Variants in RASSF5 observed in about 807,000 individuals in gnomAD.
The protein encoded by RASSF5 is ras association domain-containing protein 5.
Under a neutral mutation model 40.5 loss-of-function variants are expected in RASSF5, and 25 were observed. The ratio of observed to expected loss-of-function variants is 0.62; its 90% CI spans 0.45 to 0.86. The LOEUF is 0.86. Ranked by LOEUF, RASSF5 falls within the 40% of genes least tolerant of loss-of-function variation. The probability of loss-of-function intolerance (pLI) is 0.00; values close to 1 mark genes in which losing one functional copy is unlikely to be tolerated. For synonymous variants in RASSF5, 246 were observed against 252.4 expected, an observed-to-expected ratio of 0.97 and a Z score of 0.24; for missense variants, 521 against 572.8, an observed-to-expected ratio of 0.91 and a Z score of 0.92.
Position 206,585,034 on chromosome 1 carries a change from T to C in RASSF5, c.989-146T>C, listed in dbSNP as rs1553407309. 1.0e-5 allele frequency: 7 copies of C among 678,444 alleles called. No homozygotes were observed. The Admixed American group carries it at 1.2e-4, about 11-fold the overall frequency. The allele number at this position is 678,444 out of a possible 1,614,324, so 42.0% of individuals were successfully genotyped here. On this transcript the variant is annotated intron_variant, in intron 4 of 5. Coordinates refer to ENST00000579436, the MANE Select transcript of RASSF5 (RefSeq NM_182663.4). Reference sequence around the variant, plus strand: ...AGATAAAAGGTTATTGCCCTGTTCATTACTGTCATGTTCATTTCATTAAAA... The same window carrying C: ...AGATAAAAGGTTATTGCCCTGTTCACTACTGTCATGTTCATTTCATTAAAA...
At chr1:206,585,490 A>G (rs990399776) in intron 5 of RASSF5, 195 bp downstream of exon 5, 5 of 519,872 alleles carry the variant, frequency 9.6e-6, no homozygotes, top group Non-Finnish European at 1.7e-5. Context: ...ACCCTGGGGT[A>G]GCACATTAGG....
intron 2 of RASSF5, among the ~76,000 whole-genome samples, chr1:206,545,390 A>C (rs1451193190): frequency 1.4e-5 from 2 of 138,134 alleles, no homozygotes; most frequent in Admixed American, 1.6e-4. Flanking sequence ...CACTCTTTTC[A>C]CCCAGGCTGG....
At chr1:206,540,355 A>G (rs1553399214) in intron 2 of RASSF5, among the ~76,000 whole-genome samples, 1 of 152,264 alleles carries the variant, frequency 6.6e-6, no homozygotes, top group East Asian at 1.9e-4. Context: ...TTTTGGAAAC[A>G]GAGTGACCCC....
rs1553405745 is a variant in RASSF5, at chr1:206,579,109, G to A, written c.580-4160G>A. Among the ~76,000 whole-genome samples the A allele has an allele frequency of 6.6e-6, 1 of 152,140 alleles. No individual in the cohort carries two copies. Among genetic ancestry groups the A allele is most frequent in the Non-Finnish European group, 1.5e-5 (1 of 68,022 alleles). On this transcript the variant is annotated intron_variant, in intron 2 of 5. Transcript: ENST00000579436. The surrounding 1 kb of genome is among the most constrained non-coding windows in gnomAD (Gnocchi z 4.2). ...CCAATCACCTCCAGAGCTAAAAGAAGACATTGCCCTTTTCCACCGCATAGG... is the reference window on the plus strand; with the variant it reads ...CCAATCACCTCCAGAGCTAAAAGAAAACATTGCCCTTTTCCACCGCATAGG...
chr1:206,584,863 C>T lies in RASSF5; in HGVS notation c.988+179C>T, dbSNP rs1279487258. 6.0e-6 allele frequency: 4 copies of T among 664,372 alleles called. No individual in the cohort carries two copies. The African/African-American group carries it at 7.3e-5, about 12-fold the overall frequency. 41.2% of individuals were successfully genotyped at this position (664,372 alleles called of 1,614,324 possible). ...CGGGCAGGGAGGCAAGAGCAGAGTC[C>T]CTGACTCTGCATGTGACTTCAGGAA... On this transcript the variant is annotated intron_variant, in intron 4 of 5. Transcript: ENST00000579436. The surrounding 1 kb of genome is among the most constrained non-coding windows in gnomAD (Gnocchi z 4.9).
chr1:206,523,806 C>A (rs1259931326), intron 1 of RASSF5, among the ~76,000 whole-genome samples: 1 of 93,194 alleles, frequency 1.1e-5, no homozygotes, highest in African/African-American at 4.5e-5. Flanking sequence ...ATATAATGTA[C>A]AATATATTTT....
At chr1:206,580,485 C>G (rs182293164) in intron 2 of RASSF5, among the ~76,000 whole-genome samples, 1 of 152,020 alleles carries the variant, frequency 6.6e-6, no homozygotes, top group Admixed American at 6.5e-5. Context: ...AAGCTCCCAG[C>G]GGGAAGGTAT....
At chr1:206,533,548 G>A (rs1374428004) in intron 1 of RASSF5, among the ~76,000 whole-genome samples, 1 of 152,086 alleles carries the variant, frequency 6.6e-6, no homozygotes, top group Non-Finnish European at 1.5e-5. Context: ...TTGAGGCGGG[G>A]AGTTTGATAC....
Position 206,507,980 on chromosome 1 carries a change from C to G in RASSF5, c.378C>G (p.Ala126=), listed in dbSNP as rs186142170. 7.2e-6 allele frequency: 11 copies of G among 1,533,928 alleles called. No homozygotes were observed. Among genetic ancestry groups the G allele is most frequent in the Non-Finnish European group, 9.6e-6 (11 of 1,147,084 alleles). ...AGCGAGGCGAGGGGCACTGCTTCGCCGAGTTGGTGCTGCCGGGCGGCCCCG... is the reference window on the plus strand; with the variant it reads ...AGCGAGGCGAGGGGCACTGCTTCGCGGAGTTGGTGCTGCCGGGCGGCCCCG... The part of the protein sequence containing the change: ...PAERGEGHCF[A]ELVLPGGPGW... The change falls in exon 1 of 6, where the codon GCC becomes GCG. Residue 126 remains alanine (A), a synonymous_variant. Coordinates refer to ENST00000579436, the MANE Select transcript of RASSF5 (RefSeq NM_182663.4).
rs61263066 is a variant in RASSF5 at position 206,526,269 on chromosome 1, A to AGTGTGTGT, written c.458-11886_458-11879dup. Among the ~76,000 whole-genome samples the AGTGTGTGT allele has an allele frequency of 5.5e-3, 793 of 143,094 alleles. 15 individuals are homozygous for AGTGTGTGT. The highest frequency in any genetic ancestry group is 0.018 in the African/African-American group (684 of 37,384). 93.9% of individuals were successfully genotyped at this position (143,094 alleles called of 152,430 possible). On this transcript the variant is annotated intron_variant, in intron 1 of 5. Coordinates refer to ENST00000579436, the MANE Select transcript of RASSF5 (RefSeq NM_182663.4). Reference sequence around the variant, plus strand: ...TTTGCTTCCTGGCTTGCTTTCTGGCAGTGTGTGTGTGTGTGTGTGTGTGTT... The same window carrying AGTGTGTGT: ...TTTGCTTCCTGGCTTGCTTTCTGGCAGTGTGTGTGTGTGTGTGTGTGTGTGTGTGTGTT...
intron 2 of RASSF5, among the ~76,000 whole-genome samples, chr1:206,561,629 T>C (rs966390562): frequency 2.6e-5 from 4 of 152,080 alleles, no homozygotes; most frequent in Admixed American, 1.3e-4. Context: ...GAACAGAAGG[T>C]TGACTATATC....
rs782160590 is a variant in RASSF5, at chr1:206,587,180, CCA to C, written c.*205_*206del. 6.8e-6 allele frequency: 4 copies of C among 585,076 alleles called. No homozygotes were observed. The highest frequency in any genetic ancestry group is 2.6e-5 in the Admixed American group (1 of 38,140). 36.2% of individuals were successfully genotyped at this position (585,076 alleles called of 1,614,324 possible). A position where few individuals can be genotyped will look rare whatever the true frequency, so the allele number is the denominator to read the frequency against. On this transcript the variant is annotated 3_prime_UTR_variant, in exon 6 of 6. Transcript: ENST00000579436. Reference sequence around the variant, plus strand: ...GTGCCCGCCCCCAGGCTGTGCCCCACCACAGATTCTGCCAAGGATCAGAACTC... The same window carrying C: ...GTGCCCGCCCCCAGGCTGTGCCCCACCAGATTCTGCCAAGGATCAGAACTC...
intron 2 of RASSF5, among the ~76,000 whole-genome samples, chr1:206,555,607 A>G (rs1667959160): frequency 6.6e-6 from 1 of 152,086 alleles, no homozygotes; most frequent in Non-Finnish European, 1.5e-5. Flanking sequence ...TCCCCTGCAA[A>G]CACCCGGTAG....
chr1:206,518,869 A>G (rs547307565), intron 1 of RASSF5, among the ~76,000 whole-genome samples: 47 of 151,074 alleles, frequency 3.1e-4, no homozygotes, highest in African/African-American at 1.0e-3. Context: ...CTGGCAGAAT[A>G]TGGGTATCTC....
At chr1:206,524,498 G>C (rs1667032188) in intron 1 of RASSF5, among the ~76,000 whole-genome samples, 1 of 130,772 alleles carries the variant, frequency 7.6e-6, no homozygotes, top group Non-Finnish European at 1.6e-5. Context: ...TTTTGAGACA[G>C]AGTCTTGCTC....
chr1:206,536,065 T>C (rs548561555), intron 1 of RASSF5, among the ~76,000 whole-genome samples: 1 of 152,212 alleles, frequency 6.6e-6, no homozygotes, highest in Non-Finnish European at 1.5e-5. Context: ...GCCTCAGTGC[T>C]CCCTTATCAA....
At chr1:206,576,888 A>G (rs1668677925) in intron 2 of RASSF5, among the ~76,000 whole-genome samples, 2 of 152,114 alleles carry the variant, frequency 1.3e-5, no homozygotes, top group African/African-American at 4.8e-5. Context: ...TGCAGCCTTG[A>G]ACTCCTGGGG....
intron 2 of RASSF5, chr1:206,571,595 T>C (rs1245309511): frequency 2.0e-5 from 3 of 152,002 alleles, no homozygotes; most frequent in African/African-American, 7.3e-5. Context: ...GTACAGAGAG[T>C]CAAAGCAATG....
chr1:206,510,180 GT>G (rs1400302899), intron 1 of RASSF5, among the ~76,000 whole-genome samples: 1 of 152,166 alleles, frequency 6.6e-6, no homozygotes, highest in Non-Finnish European at 1.5e-5. Context: ...CTTTCTTTAA[GT>G]TGAAGGTCTG....
Sources: allele counts gnomAD v4.1 joint callset (sites outside exome capture counted in the v4.1 genomes callset), GRCh38; gene constraint gnomAD v4.1.1; non-coding constraint Gnocchi (gnomAD v3.1); transcripts MANE v1.5; gene names NCBI Gene and HGNC (gene_info 2026-07-23, HGNC 2026-07-21).